PDE11A: variants seen among roughly 807,000 people sequenced by gnomAD.
PDE11A encodes dual 3',5'-cyclic-AMP and -GMP phosphodiesterase 11A.
PDE11A carries 100 observed loss-of-function variants against 100.5 expected under a neutral mutation model. That is an observed-to-expected ratio of 1.00 (90% CI 0.85 to 1.18). The LOEUF is 1.18. Ranked by LOEUF, PDE11A falls within the 50% of genes most tolerant of loss-of-function variation. The pLI is 0.00. For missense variants in PDE11A, 1,141 were observed against 1,152.6 expected (o/e 0.99, Z 0.15); for synonymous variants, 381 against 420.8 (o/e 0.91, Z 1.16).
At chr2:177,932,102 G>A (rs2085215765) in intron 2 of PDE11A, among the ~76,000 whole-genome samples, 1 of 152,000 alleles carries the variant, frequency 6.6e-6, no homozygotes, top group Non-Finnish European at 1.5e-5. Context: ...AATCTCTCAA[G>A]ATTGAATCAG....
At chr2:178,087,139 A>G (rs1337771691) in intron 2 of PDE11A, among the ~76,000 whole-genome samples, 1 of 152,086 alleles carries the variant, frequency 6.6e-6, no homozygotes, top group Non-Finnish European at 1.5e-5. Flanking sequence ...GTTCGAAACC[A>G]GCCTGGCCAA....
intron 19 of PDE11A, among the ~76,000 whole-genome samples, chr2:177,651,962 G>A (rs2080316170): frequency 6.6e-6 from 1 of 152,202 alleles, no homozygotes; most frequent in South Asian, 2.1e-4. Context: ...CAATTCAAGA[G>A]TGATAGGTTA....
chr2:177,804,927 A>G (rs1041016807), intron 9 of PDE11A, among the ~76,000 whole-genome samples: 11 of 151,854 alleles, frequency 7.2e-5, no homozygotes, highest in African/African-American at 2.4e-4. Context: ...GGAAGGCTAC[A>G]AAAGGTGGGA....
chr2:177,890,557 T>C (rs75000932), intron 4 of PDE11A, among the ~76,000 whole-genome samples: 2,378 of 152,328 alleles, frequency 0.016, 62 homozygotes, highest in African/African-American at 0.054. Flanking sequence ...AGTGGAGTGA[T>C]GACTTGTGGC....
At chr2:177,779,386 T>C (rs2105515316) in intron 9 of PDE11A, among the ~76,000 whole-genome samples, 1 of 152,334 alleles carries the variant, frequency 6.6e-6, no homozygotes, top group South Asian at 2.1e-4. Context: ...TAACTCTTCC[T>C]TTCATGAAAT....
intron 10 of PDE11A, among the ~76,000 whole-genome samples, chr2:177,746,361 A>G (rs1169879656): frequency 1.3e-5 from 2 of 152,150 alleles, no homozygotes; most frequent in East Asian, 3.9e-4. Flanking sequence ...CTGGGAGGAA[A>G]CGGAACAAAC....
intron 1 of PDE11A, among the ~76,000 whole-genome samples, chr2:178,053,019 C>A (rs1390167076): frequency 6.6e-6 from 1 of 152,176 alleles, no homozygotes; most frequent in African/African-American, 2.4e-5. Flanking sequence ...TTTTATGAGG[C>A]CAGCATCTTC....
intron 19 of PDE11A, among the ~76,000 whole-genome samples, chr2:177,639,606 A>C (rs1439507738): frequency 6.6e-6 from 1 of 152,192 alleles, no homozygotes; most frequent in South Asian, 2.1e-4. Flanking sequence ...GGAAATGGAT[A>C]TATTTTCTCT....
intron 9 of PDE11A, among the ~76,000 whole-genome samples, chr2:177,784,220 G>C (rs891229965): frequency 6.7e-6 from 1 of 150,348 alleles, no homozygotes; most frequent in Admixed American, 6.6e-5. Flanking sequence ...GATAAAACAG[G>C]ATGTGGTAAA....
At chr2:178,046,025 C>T (rs372971313) in intron 1 of PDE11A, among the ~76,000 whole-genome samples, 41 of 152,288 alleles carry the variant, frequency 2.7e-4, no homozygotes, top group African/African-American at 8.7e-4. Flanking sequence ...CTCTTACTAG[C>T]TGTATAAACT....
At chr2:177,682,447 A>T (rs994284890) in intron 15 of PDE11A, among the ~76,000 whole-genome samples, 1 of 152,254 alleles carries the variant, frequency 6.6e-6, no homozygotes, top group African/African-American at 2.4e-5. Context: ...GTCCTGTCAC[A>T]GACACTTTTT....
At chr2:177,984,807 TAGCAG>T (rs928664718) in intron 2 of PDE11A, among the ~76,000 whole-genome samples, 1 of 152,208 alleles carries the variant, frequency 6.6e-6, no homozygotes, top group African/African-American at 2.4e-5. Context: ...CACTACTAAG[TAGCAG>T]AGCTAAGTTT....
intron 10 of PDE11A, among the ~76,000 whole-genome samples, chr2:177,737,418 A>AAGACACACACACCACAC (rs2081803893): frequency 2.9e-5 from 1 of 34,864 alleles, no homozygotes; most frequent in Non-Finnish European, 1.1e-4. Flanking sequence ...CTCTACTAAA[A>AAGACACACACACCACAC]ATACACACAC....
chr2:177,658,931 C>T (rs2105471171), intron 19 of PDE11A, among the ~76,000 whole-genome samples: 1 of 151,996 alleles, frequency 6.6e-6, no homozygotes, highest in South Asian at 2.1e-4. Flanking sequence ...AATATTGCAT[C>T]ATGTGGAATG....
intron 11 of PDE11A, 113 bp downstream of exon 11, chr2:177,727,913 T>G (rs1237126082): frequency 9.7e-7 from 1 of 1,026,820 alleles, no homozygotes; most frequent in Non-Finnish European, 1.5e-6. Context: ...TCCCATGAGG[T>G]GTGCAGGGCA....
intron 2 of PDE11A, among the ~76,000 whole-genome samples, chr2:177,909,463 A>G (rs541641783): frequency 1.3e-5 from 2 of 152,260 alleles, no homozygotes; most frequent in Middle Eastern, 6.8e-3. Context: ...AAATTGCATG[A>G]CACCATTACT....
At chr2:177,833,754 C>T (rs2083346487) in intron 6 of PDE11A, among the ~76,000 whole-genome samples, 1 of 152,138 alleles carries the variant, frequency 6.6e-6, no homozygotes, top group African/African-American at 2.4e-5. Flanking sequence ...CAGAATTAGC[C>T]ACTGAGCTAT....
chr2:177,964,311 G>C (rs748992499), intron 2 of PDE11A, among the ~76,000 whole-genome samples: 1 of 151,876 alleles, frequency 6.6e-6, no homozygotes, highest in Non-Finnish European at 1.5e-5. Context: ...CTATTTCTCC[G>C]AGTTAATCAT....
At chr2:178,068,730 C>T (rs1195809588) in intron 1 of PDE11A, among the ~76,000 whole-genome samples, 1 of 152,144 alleles carries the variant, frequency 6.6e-6, no homozygotes, top group Non-Finnish European at 1.5e-5. Context: ...TAAGAGAAAT[C>T]TGTAACACCA....
Sources: gnomAD v4.1 joint callset for allele counts (sites outside exome capture counted in the v4.1 genomes callset) on GRCh38, gnomAD v4.1.1 for gene constraint, MANE v1.5 for transcripts, NCBI Gene and HGNC (gene_info 2026-07-23, HGNC 2026-07-21) for gene names.